HMGCS1: variants seen among roughly 807,000 people sequenced by gnomAD.
HMGCS1 encodes the protein hydroxymethylglutaryl-CoA synthase, cytoplasmic.
In HMGCS1, 9 loss-of-function variants were observed where a neutral mutation model predicts 52.3. That is an observed-to-expected ratio of 0.17 (90% CI 0.10 to 0.30). HMGCS1 has a LOEUF of 0.30. Ranked by LOEUF, HMGCS1 falls within the 10% of genes least tolerant of loss-of-function variation. HMGCS1 has a pLI of 1.00. For missense variants in HMGCS1, 320 were observed against 620.9 expected, an observed-to-expected ratio of 0.52 and a Z score of 5.15; for synonymous variants, 176 against 214.4, an observed-to-expected ratio of 0.82 and a Z score of 1.57.
intron 2 of HMGCS1, among the ~76,000 whole-genome samples, chr5:43,301,077 G>A (rs2111691258): frequency 6.6e-6 from 1 of 152,302 alleles, no homozygotes; most frequent in African/African-American, 2.4e-5. Context: ...GTAGGGCAAG[G>A]AGTGTTAGGA....
chr5:43,308,119 A>G (rs1482276651), intron 1 of HMGCS1, among the ~76,000 whole-genome samples: 1 of 152,240 alleles, frequency 6.6e-6, no homozygotes, highest in African/African-American at 2.4e-5. Flanking sequence ...TAAGAAGCCC[A>G]TGTCACCAAT....
At chr5:43,304,006 C>A (rs753822688) in intron 2 of HMGCS1, among the ~76,000 whole-genome samples, 24 of 152,212 alleles carry the variant, frequency 1.6e-4, no homozygotes, top group African/African-American at 5.8e-4. Context: ...AACAAACTCT[C>A]CCCATCAATT....
chr5:43,297,955 A>C, intron 4 of HMGCS1, 54 bp downstream of exon 4: 1 of 1,566,762 alleles, frequency 6.4e-7, no homozygotes, highest in South Asian at 1.2e-5. Context: ...TCTATTTTCA[A>C]ATTTCTCAGC....
At chr5:43,295,608 C>T (rs1395629451) in intron 6 of HMGCS1, 144 bp downstream of exon 6, 2 of 589,396 alleles carry the variant, frequency 3.4e-6, no homozygotes, top group Non-Finnish European at 6.0e-6. Flanking sequence ...TTAGATTCTT[C>T]ACTGACTGAG....
At chr5:43,300,451 C>A (rs1258458182) in intron 2 of HMGCS1, among the ~76,000 whole-genome samples, 3 of 152,084 alleles carry the variant, frequency 2.0e-5, no homozygotes, top group Admixed American at 2.0e-4. Context: ...AAATGAAAGT[C>A]AAATCCTGTA....
chr5:43,309,169 T>C (rs1388598041), intron 1 of HMGCS1, among the ~76,000 whole-genome samples: 4 of 152,134 alleles, frequency 2.6e-5, no homozygotes, highest in Non-Finnish European at 5.9e-5. Context: ...TTGACACTAC[T>C]TGTATCAAGG....
Position 43,291,111 on chromosome 5 carries a change from C to A in HMGCS1, c.*20G>T. The A allele has an allele frequency of 1.7e-6, 1 of 595,834 alleles. No individual in the cohort carries two copies. Among genetic ancestry groups the A allele is most frequent in the Non-Finnish European group, 3.1e-6 (1 of 322,162 alleles). 36.9% of individuals were successfully genotyped at this position (595,834 alleles called of 1,614,324 possible). A position where few individuals can be genotyped will look rare whatever the true frequency, so the allele number is the denominator to read the frequency against. The stretch of plus-strand genomic sequence containing the variant: ...CCCCATGCCCACCCCACCCTGAAGT[C>A]TTGCACCTCACAGAGTATCTTAATG... On this transcript the variant is annotated 3_prime_UTR_variant, in exon 11 of 11. Transcript: ENST00000325110.
chr5:43,298,489 G>T lies in HMGCS1; in HGVS notation c.448+29C>A. 6.4e-7 allele frequency: 1 copy of T among 1,566,030 alleles called. No homozygotes were observed. Among genetic ancestry groups the T allele is most frequent in the Non-Finnish European group, 8.7e-7 (1 of 1,151,714 alleles). ...TTGAACCTTAGAAAAAAATTTTGGG[G>T]GACGGCGGGGAATAGGCATGTAACA... On this transcript the variant is annotated intron_variant, in intron 3 of 10. Transcript: ENST00000325110. The surrounding 1 kb of genome is among the most constrained non-coding windows in gnomAD (Gnocchi z 5.6).
At chr5:43,301,383 G>A (rs960886132) in intron 2 of HMGCS1, among the ~76,000 whole-genome samples, 10 of 152,184 alleles carry the variant, frequency 6.6e-5, no homozygotes, top group African/African-American at 2.4e-4. Context: ...CCATCGGAGA[G>A]TTTAAGGAAT....
At position 43,293,997 on chromosome 5, in the gene HMGCS1, G is replaced by T. The variant is rs189829966; in HGVS notation, c.1183+59C>A. 6.2e-6 allele frequency: 7 copies of T among 1,123,976 alleles called. No individual in the cohort carries two copies. In the East Asian group the frequency reaches 1.4e-4, roughly 23 times the overall value. The allele number at this position is 1,123,976 out of a possible 1,614,324, so 69.6% of individuals were successfully genotyped here. On this transcript the variant is annotated intron_variant, in intron 8 of 10. Transcript: ENST00000325110. ...CCCAAACTGCTGGGATTACGGGTGT[G>T]AGCCACTGTGCCTGGACTCAGTTCT...
Position 43,298,491 on chromosome 5 carries a change from A to T in HMGCS1, c.448+27T>A. On this transcript the variant is annotated intron_variant, in intron 3 of 10. Transcript: ENST00000325110. This position sits in a 1 kb window ranked among gnomAD's most constrained non-coding sequence, Gnocchi z 5.6. Reference sequence around the variant, plus strand: ...GAACCTTAGAAAAAAATTTTGGGGGACGGCGGGGAATAGGCATGTAACATA... The same window carrying T: ...GAACCTTAGAAAAAAATTTTGGGGGTCGGCGGGGAATAGGCATGTAACATA... 6.4e-7 allele frequency: 1 copy of T among 1,569,020 alleles called. No individual in the cohort carries two copies. The highest frequency in any genetic ancestry group is 8.7e-7 in the Non-Finnish European group (1 of 1,153,964).
chr5:43,297,880 C>A, intron 4 of HMGCS1, 129 bp downstream of exon 4: 13 of 613,318 alleles, frequency 2.1e-5, no homozygotes, highest in South Asian at 1.1e-4. Flanking sequence ...TATGATAACA[C>A]ACATAAAGCT....
At chr5:43,294,578 A>G (rs922157779) in intron 7 of HMGCS1, 113 bp downstream of exon 7, 38 of 688,996 alleles carry the variant, frequency 5.5e-5, no homozygotes, top group Middle Eastern at 4.0e-4. Context: ...AGAGAGCCTC[A>G]AGATAAAATT....
In HMGCS1 at chr5:43,287,670, G is replaced by C. The variant is rs1267742834; in HGVS notation, c.*3461C>G. On this transcript the variant is annotated 3_prime_UTR_variant, in exon 11 of 11. Coordinates refer to ENST00000325110, the MANE Select transcript of HMGCS1 (RefSeq NM_001098272.3). ...GAAAAGAGTAATCAGTTATCCACTAGCAACTTTCCACCTAGGTCAAGGATG... is the reference window on the plus strand; with the variant it reads ...GAAAAGAGTAATCAGTTATCCACTACCAACTTTCCACCTAGGTCAAGGATG... 1 of 152,210 alleles carries C rather than the reference G, an allele frequency of 6.6e-6. No homozygotes were observed. The highest frequency in any genetic ancestry group is 1.5e-5 in the Non-Finnish European group (1 of 68,062). 9.4% of individuals were successfully genotyped at this position (152,210 alleles called of 1,614,324 possible).
At position 43,297,097 on chromosome 5, in the gene HMGCS1, A is replaced by G; in HGVS notation, c.644T>C (p.Ile215Thr). ...CTGTATGGAGAGTTTTCCATCTACTATAGGATATTCAGATAGCATATCAGG... is the reference window on the plus strand; with the variant it reads ...CTGTATGGAGAGTTTTCCATCTACTGTAGGATATTCAGATAGCATATCAGG... ...YKPDMLSEYP[I>T]VDGKLSIQCY... Residue 215 changes from isoleucine (I) to threonine (T), a missense_variant, in exon 5 of 11, where the codon ATA (isoleucine) becomes ACA (threonine). Around this residue, in one of 3 missense-constraint regions of HMGCS1, gnomAD observed 85 missense variants for 260.0 expected, o/e 0.33. Coordinates refer to ENST00000325110, the MANE Select transcript of HMGCS1 (RefSeq NM_001098272.3). 6.2e-7 allele frequency: 1 copy of G among 1,613,078 alleles called. No homozygotes were observed.
Position 43,295,905 on chromosome 5 carries a change from T to C in HMGCS1, c.752A>G (p.Lys251Arg), listed in dbSNP as rs988314184. The change falls in exon 6 of 11, where the codon AAA becomes AGA. Residue 251 changes from lysine (K) to arginine (R), a missense_variant. By Grantham distance (26) the Lys-to-Arg change is conservative. Transcript: ENST00000325110. ...HAQWQKEGND[K>R]DFTLNDFGFM... Reference sequence around the variant, plus strand: ...GCCAAAATCATTCAAGGTAAAATCTTTATCATTTCCCTCTGAAAGAGAAGT... The same window carrying C: ...GCCAAAATCATTCAAGGTAAAATCTCTATCATTTCCCTCTGAAAGAGAAGT... 6.2e-7 allele frequency: 1 copy of C among 1,610,930 alleles called. No individual in the cohort carries two copies. The highest frequency in any genetic ancestry group is 8.5e-7 in the Non-Finnish European group (1 of 1,177,744).
chr5:43,296,457 C>T (rs139341351), intron 5 of HMGCS1, among the ~76,000 whole-genome samples: 171 of 152,220 alleles, frequency 1.1e-3, no homozygotes, highest in African/African-American at 3.6e-3. Context: ...CTCATAACCT[C>T]TAAAAAGCAA....
In HMGCS1 at chr5:43,294,047, A is replaced by T. The variant is rs549108312; in HGVS notation, c.1183+9T>A. 1 of 1,527,552 alleles carries T rather than the reference A, an allele frequency of 6.5e-7. No homozygotes were observed. Among genetic ancestry groups the T allele is most frequent in the Admixed American group, 1.7e-5 (1 of 59,842 alleles). The allele number at this position is 1,527,552 out of a possible 1,614,324, so 94.6% of individuals were successfully genotyped here. A position where few individuals can be genotyped will look rare whatever the true frequency, so the allele number is the denominator to read the frequency against. ...TCAATACATTCTTGTTGAAAGATTC[A>T]GCACTTACCCGGTGTAGCATCTTGT... On this transcript the variant is annotated intron_variant, in intron 8 of 10. Coordinates refer to ENST00000325110, the MANE Select transcript of HMGCS1 (RefSeq NM_001098272.3).
Position 43,297,902 on chromosome 5 carries a change from G to A in HMGCS1, c.574+107C>T, listed in dbSNP as rs1754114069. 4.8e-6 allele frequency: 4 copies of A among 834,676 alleles called. No homozygotes were observed. The South Asian group carries it at 7.3e-5, about 15-fold the overall frequency. 51.7% of individuals were successfully genotyped at this position (834,676 alleles called of 1,614,324 possible). ...ACACACATAAAGCTCTTAGCAAGTA[G>A]TACCTGCATTTAATGACCATTAAGT... is the stretch of plus-strand genomic sequence containing the variant. On this transcript the variant is annotated intron_variant, in intron 4 of 10. Coordinates refer to ENST00000325110, the MANE Select transcript of HMGCS1 (RefSeq NM_001098272.3).
Sources: gnomAD v4.1 joint callset for allele counts (sites outside exome capture counted in the v4.1 genomes callset) on GRCh38, gnomAD v4.1.1 for gene constraint, gnomAD v4.1.1 regional missense constraint, Gnocchi (gnomAD v3.1) non-coding constraint, MANE v1.5 for transcripts, NCBI Gene and HGNC (gene_info 2026-07-23, HGNC 2026-07-21) for gene names.